The following SEC14L1 variants were observed in gnomAD, a reference collection of about 807,000 sequenced individuals.
The protein encoded by SEC14L1 is SEC14-like protein 1.
In SEC14L1, 48 loss-of-function variants were observed where a neutral mutation model predicts 85.3. The ratio of observed to expected loss-of-function variants is 0.56; its 90% CI spans 0.45 to 0.72. SEC14L1 has a LOEUF of 0.72. Ranked by LOEUF, SEC14L1 falls within the 30% of genes least tolerant of loss-of-function variation. The pLI is 0.00. For missense variants in SEC14L1, 682 were observed against 921.4 expected (o/e 0.74, Z 3.36); for synonymous variants, 391 against 355.5 (o/e 1.10, Z -1.12).
chr17:77,095,818 A>C (rs558470302), intron 3 of SEC14L1, among the ~76,000 whole-genome samples: 7 of 25,216 alleles, frequency 2.8e-4, no homozygotes, highest in African/African-American at 2.2e-3. Flanking sequence ...CTTTGTCTCA[A>C]AAAAAAAAAA....
rs553949643 is a variant in SEC14L1 at position 77,099,108 on chromosome 17, T to C, written c.-136+5761T>C. 5 of 152,328 alleles carry C rather than the reference T, an allele frequency of 3.3e-5. No homozygotes were observed. The South Asian group carries it at 1.0e-3, about 32-fold the overall frequency. The allele number at this position is 152,328 out of a possible 1,614,324, so 9.4% of individuals were successfully genotyped here. A position where few individuals can be genotyped will look rare whatever the true frequency, so the allele number is the denominator to read the frequency against. On this transcript the variant is annotated intron_variant, in intron 3 of 19. Coordinates refer to the SEC14L1 transcript ENST00000392476. The stretch of plus-strand genomic sequence containing the variant: ...TGTAAGTCACTGGAAGGTCACATGT[T>C]CACAGACTGTCAGCTGTGGAGGGTT...
At chr17:77,154,316 G>GA (rs1486122110) in intron 3 of SEC14L1, among the ~76,000 whole-genome samples, 3 of 151,850 alleles carry the variant, frequency 2.0e-5, no homozygotes, top group Admixed American at 6.6e-5. Flanking sequence ...ATGATAAACT[G>GA]AAAAAAAATT....
At position 77,206,606 on chromosome 17, in the gene SEC14L1, A is replaced by G. The variant is rs1976475306; in HGVS notation, c.1342-122A>G. The G allele has an allele frequency of 1.6e-6, 2 of 1,288,794 alleles. No homozygotes were observed. The highest frequency in any genetic ancestry group is 2.2e-6 in the Non-Finnish European group (2 of 929,346). The allele number at this position is 1,288,794 out of a possible 1,614,324, so 79.8% of individuals were successfully genotyped here. A position where few individuals can be genotyped will look rare whatever the true frequency, so the allele number is the denominator to read the frequency against. On this transcript the variant is annotated intron_variant, in intron 12 of 16. Transcript: ENST00000436233. This position sits in a 1 kb window ranked among gnomAD's most constrained non-coding sequence, Gnocchi z 4.3. ...ATGCCATGCAAATAGACTTTACAGA[A>G]GAAGTATATAAACTTGAATGTCTTC... is the stretch of plus-strand genomic sequence containing the variant.
chr17:77,098,113 T>C (rs866359769), intron 3 of SEC14L1, among the ~76,000 whole-genome samples: 3 of 152,176 alleles, frequency 2.0e-5, no homozygotes, highest in Non-Finnish European at 4.4e-5. Context: ...CTTCTGCCTT[T>C]TCTCTGAATA....
chr17:77,113,465 T>C (rs1269503923), intron 3 of SEC14L1, among the ~76,000 whole-genome samples: 1 of 152,014 alleles, frequency 6.6e-6, no homozygotes, highest in African/African-American at 2.4e-5. Flanking sequence ...GAGTTAAGGC[T>C]GGGCTCAGTG....
chr17:77,162,779 G>A (rs988618169), intron 3 of SEC14L1, among the ~76,000 whole-genome samples: 5 of 151,532 alleles, frequency 3.3e-5, no homozygotes, highest in African/African-American at 4.9e-5. Flanking sequence ...TCGGTGAGCC[G>A]AGATGGTACC....
chr17:77,124,408 G>A (rs1460082852), intron 3 of SEC14L1, among the ~76,000 whole-genome samples: 1 of 152,098 alleles, frequency 6.6e-6, no homozygotes, highest in African/African-American at 2.4e-5. Flanking sequence ...TTCTGCTTCA[G>A]GATATTGTTC....
Position 77,190,848 on chromosome 17 carries a change from G to T in SEC14L1, c.109G>T (p.Val37Leu), listed in dbSNP as rs1049416. Residue 37 changes from valine to leucine, a missense_variant, in exon 4 of 17, where the codon GTG becomes TTG. By Grantham distance (32) the Val-to-Leu change is conservative. Around this residue, in one of 3 missense-constraint regions of SEC14L1, gnomAD observed 139 missense variants for 201.3 expected, o/e 0.69. Transcript: ENST00000436233. ...FPTCPLIPMF[V>L]GSDTVNEFKS... ...TACATGTCCTTTGATTCCGATGTTC[G>T]TGGGCAGTGACACTGTGAATGAATT... is the stretch of plus-strand genomic sequence containing the variant. 4 of 1,614,046 alleles carry T rather than the reference G, an allele frequency of 2.5e-6. No individual in the cohort carries two copies. The South Asian group carries it at 3.3e-5, about 13-fold the overall frequency.
chr17:77,129,685 G>C (rs992885477), intron 3 of SEC14L1, among the ~76,000 whole-genome samples: 3 of 152,180 alleles, frequency 2.0e-5, no homozygotes, highest in Non-Finnish European at 4.4e-5. Context: ...GCTGAAGGTG[G>C]AGGAGGGTTT....
At chr17:77,100,272 A>G (rs994746368) in intron 3 of SEC14L1, among the ~76,000 whole-genome samples, 2 of 152,184 alleles carry the variant, frequency 1.3e-5, no homozygotes, top group Admixed American at 6.5e-5. Flanking sequence ...CACTGTGGTC[A>G]TCTGTACATG....
chr17:77,203,413 CT>C (rs552505736), intron 9 of SEC14L1, among the ~76,000 whole-genome samples, 156 bp from the exon 10 acceptor site: 40 of 152,358 alleles, frequency 2.6e-4, no homozygotes, highest in African/African-American at 8.9e-4. Context: ...CACACACCCC[CT>C]ATCACACAAA....
At chr17:77,097,624 GGT>G (rs1310656749) in intron 3 of SEC14L1, among the ~76,000 whole-genome samples, 1 of 151,862 alleles carries the variant, frequency 6.6e-6, no homozygotes, top group African/African-American at 2.4e-5. Flanking sequence ...GGACTTGCTG[GGT>G]GGGGGCGGGG....
chr17:77,144,026 C>T (rs1352069585), intron 3 of SEC14L1, among the ~76,000 whole-genome samples: 1 of 152,084 alleles, frequency 6.6e-6, no homozygotes, highest in African/African-American at 2.4e-5. Flanking sequence ...GAAGAGTGCT[C>T]TGCCTATGGG....
In SEC14L1 at chr17:77,190,805, C is replaced by T; in HGVS notation, c.66C>T (p.Ala22=). The change falls in exon 4 of 17, where the codon GCC becomes GCT. Residue 22 remains alanine, a splice_region_variant and synonymous_variant. Transcript: ENST00000436233. ...YKYPFELIMA[A]YERRFPTCPL... is the part of the protein sequence containing the mutation. ...TTTCTTGGTTTTTAAATTTATAGGCCTATGAAAGGAGGTTCCCTACATGTC... is the reference window on the plus strand; with the variant it reads ...TTTCTTGGTTTTTAAATTTATAGGCTTATGAAAGGAGGTTCCCTACATGTC... 1 of 1,614,124 alleles carries T rather than the reference C, an allele frequency of 6.2e-7. No individual in the cohort carries two copies.
chr17:77,102,465 G>A (rs527995909), intron 3 of SEC14L1, among the ~76,000 whole-genome samples: 3 of 152,248 alleles, frequency 2.0e-5, no homozygotes, highest in African/African-American at 7.2e-5. Context: ...GGATATGGAA[G>A]TGAAGGGTAT....
chr17:77,211,479 G>C (rs537785600), intron 14 of SEC14L1: 59 of 167,930 alleles, frequency 3.5e-4, no homozygotes, highest in Admixed American at 1.9e-3. Flanking sequence ...GTTCTCTCGT[G>C]TGAGCCTCAC....
chr17:77,170,772 A>T (rs1974493380), intron 3 of SEC14L1, among the ~76,000 whole-genome samples: 1 of 152,170 alleles, frequency 6.6e-6, no homozygotes, highest in Admixed American at 6.5e-5. Context: ...TTTCCTGATG[A>T]GGGTGGATGC....
intron 3 of SEC14L1, among the ~76,000 whole-genome samples, chr17:77,120,555 T>C (rs590727): frequency 0.98 from 148,916 of 151,548 alleles, 73,175 homozygotes; most frequent in East Asian, 1. Context: ...CGGCTCACTG[T>C]AACCTCTGCC....
rs74763414 is a variant in SEC14L1, at chr17:77,193,495, T to C, written c.420T>C (p.Phe140=). ...TAGATATTAAATCTTTCTTTGGTTT[T>C]GAAAGTACAGTGGAAAAAATTGCAA... ...ASLDIKSFFG[F]ESTVEKIAMK... is the part of the protein sequence containing the mutation. Residue 140 remains phenylalanine (F), a synonymous_variant, in exon 6 of 17, where the codon TTT becomes TTC. Transcript: ENST00000436233. The C allele has an allele frequency of 1.6e-4, 256 of 1,612,910 alleles. No homozygotes were observed. The African/African-American group carries it at 3.1e-3, about 19-fold the overall frequency.
Sources: allele counts gnomAD v4.1 joint callset (sites outside exome capture counted in the v4.1 genomes callset), GRCh38; gene constraint gnomAD v4.1.1; regional missense constraint gnomAD v4.1.1; non-coding constraint Gnocchi (gnomAD v3.1); transcripts MANE v1.5; gene names NCBI Gene and HGNC (gene_info 2026-07-23, HGNC 2026-07-21).